Variants in HEPACAM2 observed in about 807,000 individuals in gnomAD.
HEPACAM2 encodes the protein HEPACAM family member 2.
Under a neutral mutation model 49.6 loss-of-function variants are expected in HEPACAM2, and 49 were observed. That is an observed-to-expected ratio of 0.99 (90% CI 0.78 to 1.25). The LOEUF is 1.25. Ranked by LOEUF, HEPACAM2 falls within the 50% of genes most tolerant of loss-of-function variation. The pLI is 0.00. For missense variants in HEPACAM2, 525 were observed against 557.2 expected, an observed-to-expected ratio of 0.94 and a Z score of 0.58; for synonymous variants, 197 against 202.9, an observed-to-expected ratio of 0.97 and a Z score of 0.25.
chr7:93,190,456 A>AACT (rs1793514772), intron 9 of HEPACAM2, among the ~76,000 whole-genome samples: 1 of 151,972 alleles, frequency 6.6e-6, no homozygotes, highest in Admixed American at 6.6e-5. Context: ...AGATCTACAT[A>AACT]GATGAACTGA....
chr7:93,207,105 G>A (rs1005035929), intron 4 of HEPACAM2, among the ~76,000 whole-genome samples: 1 of 152,034 alleles, frequency 6.6e-6, no homozygotes, highest in African/African-American at 2.4e-5. Context: ...TGGCCCAAGG[G>A]CAACATACTG....
At chr7:93,226,680 A>G (rs17165179), upstream of HEPACAM2, among the ~76,000 whole-genome samples, 21,839 of 152,180 alleles carry the variant, frequency 0.14, 2,796 homozygotes, top group East Asian at 0.31. Flanking sequence ...GTAATTGTCT[A>G]TATATTTCAT....
At chr7:93,204,536 C>T (rs986754982) in intron 4 of HEPACAM2, among the ~76,000 whole-genome samples, 1 of 152,038 alleles carries the variant, frequency 6.6e-6, no homozygotes, top group Non-Finnish European at 1.5e-5. Flanking sequence ...AATAGCTATT[C>T]TTTTCTTGAA....
At chr7:93,200,611 T>C (rs1464790121) in intron 4 of HEPACAM2, among the ~76,000 whole-genome samples, 1 of 152,128 alleles carries the variant, frequency 6.6e-6, no homozygotes, top group Non-Finnish European at 1.5e-5. Context: ...GCAGTGGTAG[T>C]GGTAATGGGT....
At chr7:93,216,624 A>G (rs535965214) in intron 2 of HEPACAM2, among the ~76,000 whole-genome samples, 1 of 152,334 alleles carries the variant, frequency 6.6e-6, no homozygotes, top group East Asian at 1.9e-4. Flanking sequence ...TCTTGACTTA[A>G]TCGATAAAAA....
At chr7:93,228,862 A>AGG (rs1015244522), upstream of HEPACAM2, among the ~76,000 whole-genome samples, 11 of 120,492 alleles carry the variant, frequency 9.1e-5, no homozygotes, top group East Asian at 1.1e-3. Context: ...CCTGTGCAGG[A>AGG]GGGTGTGTGT....
intron 2 of HEPACAM2, among the ~76,000 whole-genome samples, chr7:93,216,843 A>G (rs941958527): frequency 2.6e-5 from 4 of 152,166 alleles, no homozygotes; most frequent in African/African-American, 4.8e-5. Context: ...CAAGCTTTTA[A>G]TTAGGGTCAA....
rs892000463 is a variant in HEPACAM2, at chr7:93,189,023, A to G, written c.*244T>C. ...TTTCGTTCTCCCCGTCAGCATGAGA[A>G]CGACTCTCCACTGAGGAATATTTCC... On this transcript the variant is annotated 3_prime_UTR_variant, in exon 10 of 10. Coordinates refer to ENST00000394468, the MANE Select transcript of HEPACAM2 (RefSeq NM_001039372.4). The G allele has an allele frequency of 2.1e-6, 1 of 476,720 alleles. No individual in the cohort carries two copies. The highest frequency in any genetic ancestry group is 3.7e-6 in the Non-Finnish European group (1 of 270,270). The allele number at this position is 476,720 out of a possible 1,614,324, so 29.5% of individuals were successfully genotyped here. A position where few individuals can be genotyped will look rare whatever the true frequency, so the allele number is the denominator to read the frequency against.
At chr7:93,206,868 A>G (rs956782587) in intron 4 of HEPACAM2, among the ~76,000 whole-genome samples, 1 of 152,062 alleles carries the variant, frequency 6.6e-6, no homozygotes, top group Non-Finnish European at 1.5e-5. Context: ...ACATTTATCA[A>G]CCTGTAGGTT....
At chr7:93,220,908 G>A (rs1032414172) in intron 1 of HEPACAM2, among the ~76,000 whole-genome samples, 13 of 152,132 alleles carry the variant, frequency 8.5e-5, no homozygotes, top group African/African-American at 3.1e-4. Context: ...CATATTAAAA[G>A]GGGCAATATG....
At chr7:93,219,831 A>G (rs1308936368) in intron 1 of HEPACAM2, among the ~76,000 whole-genome samples, 1 of 152,226 alleles carries the variant, frequency 6.6e-6, no homozygotes, top group Non-Finnish European at 1.5e-5. Flanking sequence ...TAATCTAACT[A>G]TGTGATTTGA....
At chr7:93,215,373 C>T in intron 3 of HEPACAM2, 28 bp downstream of exon 3, 2 of 1,596,690 alleles carry the variant, frequency 1.3e-6, no homozygotes, top group Non-Finnish European at 1.7e-6. Context: ...CAAAAAACAA[C>T]TCATGAGTTA....
At chr7:93,218,598 C>A (rs537788119) in intron 2 of HEPACAM2, among the ~76,000 whole-genome samples, 2 of 152,232 alleles carry the variant, frequency 1.3e-5, no homozygotes, top group African/African-American at 4.8e-5. Context: ...TCACTTATTT[C>A]AATAAGGAAA....
chr7:93,198,770 C>T (rs1464039305), intron 4 of HEPACAM2, among the ~76,000 whole-genome samples: 1 of 152,076 alleles, frequency 6.6e-6, no homozygotes, highest in Non-Finnish European at 1.5e-5. Flanking sequence ...ATGGTGGCTA[C>T]ACAGCTCTGC....
intron 4 of HEPACAM2, among the ~76,000 whole-genome samples, chr7:93,200,973 T>C (rs1793867072): frequency 6.6e-6 from 1 of 152,044 alleles, no homozygotes. Flanking sequence ...ACAGTGACTA[T>C]GCAGATATGA....
upstream of HEPACAM2, among the ~76,000 whole-genome samples, chr7:93,230,602 G>A (rs933847659): frequency 6.6e-6 from 1 of 152,190 alleles, no homozygotes; most frequent in Admixed American, 6.5e-5. Context: ...ATCAAGAAAT[G>A]TTTATTGACT....
At chr7:93,209,059 G>T (rs150458668) in intron 3 of HEPACAM2, among the ~76,000 whole-genome samples, 183 bp from the exon 4 acceptor site, 24 of 152,048 alleles carry the variant, frequency 1.6e-4, no homozygotes, top group African/African-American at 5.3e-4. Flanking sequence ...TTCTGATATC[G>T]ATGAAAGTGA....
intron 1 of HEPACAM2, among the ~76,000 whole-genome samples, chr7:93,223,038 C>T (rs908159934): frequency 1.3e-5 from 2 of 152,156 alleles, no homozygotes; most frequent in African/African-American, 4.8e-5. Flanking sequence ...TGCATGGCTG[C>T]TAATAGGGAG....
chr7:93,220,826 A>T (rs1794434829), intron 1 of HEPACAM2, among the ~76,000 whole-genome samples: 1 of 152,146 alleles, frequency 6.6e-6, no homozygotes, highest in African/African-American at 2.4e-5. Flanking sequence ...ATTTCTATGT[A>T]TTTGCAGGGG....
Sources: gnomAD v4.1 joint callset for allele counts (sites outside exome capture counted in the v4.1 genomes callset) on GRCh38, gnomAD v4.1.1 for gene constraint, MANE v1.5 for transcripts, NCBI Gene and HGNC (gene_info 2026-07-23, HGNC 2026-07-21) for gene names.